The following ZNF33A variants were observed in gnomAD, a reference collection of about 807,000 sequenced individuals.
The protein encoded by ZNF33A is brain my041 protein.
Under a neutral mutation model 15.9 loss-of-function variants are expected in ZNF33A, and 9 were observed. That is an observed-to-expected ratio of 0.57 (90% CI 0.34 to 0.99). The LOEUF is 0.99. Among genes scored for constraint, ZNF33A ranks in the 50% least tolerant of loss-of-function variants. The pLI is 0.02. For synonymous variants in ZNF33A, 294 were observed against 324.2 expected, an observed-to-expected ratio of 0.91 and a Z score of 1.00; for missense variants, 843 against 941.6, an observed-to-expected ratio of 0.90 and a Z score of 1.37.
At chr10:38,062,170 A>T (rs1449747305), downstream of ZNF33A, among the ~76,000 whole-genome samples, 1 of 152,064 alleles carries the variant, frequency 6.6e-6, no homozygotes, top group Admixed American at 6.5e-5. Context: ...CCTCAAGAGG[A>T]AACAGCAAGG....
intron 4 of ZNF33A, among the ~76,000 whole-genome samples, chr10:38,034,075 A>T: frequency 6.6e-6 from 1 of 152,162 alleles, no homozygotes. Context: ...AATTTAAAAC[A>T]TTCACTTTAT....
chr10:38,063,378 A>G (rs2066678403), downstream of ZNF33A, among the ~76,000 whole-genome samples: 1 of 152,168 alleles, frequency 6.6e-6, no homozygotes, highest in African/African-American at 2.4e-5. Context: ...GGGAAAGAGG[A>G]GACAGACAAA....
rs1392623196 is a variant in ZNF33A, at chr10:38,059,259, C to T, written c.*2699C>T. On this transcript the variant is annotated 3_prime_UTR_variant, in exon 5 of 5. Coordinates refer to ENST00000432900, the MANE Select transcript of ZNF33A (RefSeq NM_006954.2). ...AAAAAACCCTACAGCTAACATTATCCTTGATGTTTCCAACTAGACACTTTC... is the reference window on the plus strand; with the variant it reads ...AAAAAACCCTACAGCTAACATTATCTTTGATGTTTCCAACTAGACACTTTC... 2 of 152,166 alleles carry T rather than the reference C, an allele frequency of 1.3e-5. No individual in the cohort carries two copies. Among genetic ancestry groups the T allele is most frequent in the Non-Finnish European group, 2.9e-5 (2 of 68,040 alleles). 9.4% of individuals were successfully genotyped at this position (152,166 alleles called of 1,614,324 possible).
rs1233142010 is a variant in ZNF33A at position 38,022,721 on chromosome 10, A to G, written c.250+5335A>G. ...TGTACCAGTTCTTCAGAAACCACAA[A>G]CTATTACAACTCAGTCAGGGTGATA... On this transcript the variant is annotated intron_variant, in intron 4 of 4. Transcript: ENST00000432900. Among the ~76,000 whole-genome samples, 3 of 152,030 alleles carry G rather than the reference A, an allele frequency of 2.0e-5. No individual in the cohort carries two copies. In the East Asian group the frequency reaches 5.8e-4, roughly 29 times the overall value.
At chr10:38,063,148 T>C (rs1006845273), downstream of ZNF33A, among the ~76,000 whole-genome samples, 1 of 151,944 alleles carries the variant, frequency 6.6e-6, no homozygotes, top group East Asian at 1.9e-4. Flanking sequence ...AATAACAGAC[T>C]GGCATCTTTG....
chr10:38,065,400 T>C (rs1204298490), downstream of ZNF33A, among the ~76,000 whole-genome samples: 2 of 152,174 alleles, frequency 1.3e-5, no homozygotes, highest in African/African-American at 2.4e-5. Flanking sequence ...TCCTTAGTGT[T>C]TCATGTGGGG....
intron 4 of ZNF33A, among the ~76,000 whole-genome samples, chr10:38,037,994 G>A (rs955103088): frequency 6.6e-6 from 1 of 152,156 alleles, no homozygotes; most frequent in African/African-American, 2.4e-5. Context: ...ACACTGTTCA[G>A]TGCCTTTCCA....
chr10:38,010,853 G>C, intron 1 of ZNF33A, 70 bp downstream of exon 1: 4 of 1,580,950 alleles, frequency 2.5e-6, no homozygotes, highest in Non-Finnish European at 3.4e-6. Context: ...GCGGCAGGGG[G>C]CCGGTACCAA....
chr10:38,056,563 A>G lies in ZNF33A; in HGVS notation c.*3A>G, dbSNP rs1262689089. On this transcript the variant is annotated 3_prime_UTR_variant, in exon 5 of 5. Coordinates refer to ENST00000432900, the MANE Select transcript of ZNF33A (RefSeq NM_006954.2). ...ATGACATCCTGAATGTTCAGTAACT[A>G]TCCACAAACTCACCTTATGTTACTC... The G allele has an allele frequency of 3.9e-6, 6 of 1,553,470 alleles. No individual in the cohort carries two copies. In the African/African-American group the frequency reaches 6.9e-5, roughly 18 times the overall value.
chr10:38,014,668 T>G (rs2064363270), intron 2 of ZNF33A, among the ~76,000 whole-genome samples: 1 of 152,282 alleles, frequency 6.6e-6, no homozygotes, highest in Middle Eastern at 3.4e-3. Context: ...TGTCTGTGTG[T>G]TTTTTGGGCT....
chr10:38,049,992 GCTA>G (rs1352002431), intron 4 of ZNF33A, among the ~76,000 whole-genome samples: 1 of 152,088 alleles, frequency 6.6e-6, no homozygotes, highest in Non-Finnish European at 1.5e-5. Flanking sequence ...CAAATAAACA[GCTA>G]CTACTGCTTA....
chr10:38,034,190 A>G (rs1267587527), intron 4 of ZNF33A, among the ~76,000 whole-genome samples: 1 of 152,214 alleles, frequency 6.6e-6, no homozygotes, highest in African/African-American at 2.4e-5. Context: ...ACAGCTGTTG[A>G]ACCAACATTG....
At chr10:38,067,167 T>C (rs1345155044), downstream of ZNF33A, among the ~76,000 whole-genome samples, 2 of 152,180 alleles carry the variant, frequency 1.3e-5, no homozygotes, top group Non-Finnish European at 2.9e-5. Context: ...AAGGCCCAAT[T>C]TCACTTCCTT....
At chr10:38,035,337 C>T (rs1276033060) in intron 4 of ZNF33A, among the ~76,000 whole-genome samples, 5 of 151,992 alleles carry the variant, frequency 3.3e-5, no homozygotes, top group East Asian at 1.9e-4. Flanking sequence ...AGGCTGGTCT[C>T]GAACTCCTGA....
chr10:38,048,854 C>T (rs1240319537), intron 4 of ZNF33A, among the ~76,000 whole-genome samples: 1 of 151,956 alleles, frequency 6.6e-6, no homozygotes, highest in African/African-American at 2.4e-5. Context: ...ATTGATAAAA[C>T]AGGAAAAGGA....
intron 4 of ZNF33A, among the ~76,000 whole-genome samples, chr10:38,050,653 G>A (rs1357991587): frequency 6.6e-6 from 1 of 152,164 alleles, no homozygotes; most frequent in East Asian, 1.9e-4. Context: ...CATGACCTTT[G>A]TCTGCATTGG....
downstream of ZNF33A, chr10:38,064,301 G>C: frequency 5.2e-6 from 3 of 576,654 alleles, no homozygotes; most frequent in Non-Finnish European, 9.0e-6. Flanking sequence ...ACAGCCTAAA[G>C]AGACATTTCT....
At chr10:38,034,945 A>G (rs1380348676) in intron 4 of ZNF33A, among the ~76,000 whole-genome samples, 1 of 152,070 alleles carries the variant, frequency 6.6e-6, no homozygotes, top group Non-Finnish European at 1.5e-5. Flanking sequence ...ATAGTTCTAC[A>G]TGTAACCATC....
intron 4 of ZNF33A, among the ~76,000 whole-genome samples, chr10:38,052,139 AAGG>A (rs376905702): frequency 3.2e-4 from 49 of 152,268 alleles, no homozygotes; most frequent in African/African-American, 1.1e-3. Context: ...AAGAAAAAGA[AAGG>A]AGATTAGAAT....
Sources: gnomAD v4.1 joint callset for allele counts (sites outside exome capture counted in the v4.1 genomes callset) on GRCh38, gnomAD v4.1.1 for gene constraint, MANE v1.5 for transcripts, NCBI Gene and HGNC (gene_info 2026-07-23, HGNC 2026-07-21) for gene names.